The following CSNK1G3 variants were observed in gnomAD, a reference collection of about 807,000 sequenced individuals.
The protein encoded by CSNK1G3 is casein kinase 1 gamma 3, also known as casein kinase I isoform gamma-3.
Under a neutral mutation model 64.3 loss-of-function variants are expected in CSNK1G3, and 23 were observed. The ratio of observed to expected loss-of-function variants is 0.36; its 90% CI spans 0.26 to 0.51. The LOEUF is 0.51. Ranked by LOEUF, CSNK1G3 falls within the 20% of genes least tolerant of loss-of-function variation. The probability of loss-of-function intolerance (pLI) is 0.96; values close to 1 mark genes in which losing one functional copy is unlikely to be tolerated. For missense variants in CSNK1G3, 357 were observed against 510.5 expected (o/e 0.70, Z 2.90); for synonymous variants, 158 against 162.2 (o/e 0.97, Z 0.20).
intron 4 of CSNK1G3, among the ~76,000 whole-genome samples, chr5:123,561,215 T>C (rs1785644510): frequency 6.6e-6 from 1 of 152,154 alleles, no homozygotes; most frequent in Admixed American, 6.6e-5. Context: ...ATAGCAAAAA[T>C]TTAATGTATT....
intron 4 of CSNK1G3, among the ~76,000 whole-genome samples, chr5:123,557,798 TATAAAA>T (rs1167549028): frequency 6.6e-6 from 1 of 152,138 alleles, no homozygotes; most frequent in Non-Finnish European, 1.5e-5. Flanking sequence ...AATTTGCAAA[TATAAAA>T]TGCATACTTC....
chr5:123,605,523 G>A (rs1795214328), intron 12 of CSNK1G3, among the ~76,000 whole-genome samples, 161 bp downstream of exon 13: 1 of 152,044 alleles, frequency 6.6e-6, no homozygotes, highest in African/African-American at 2.4e-5. Flanking sequence ...GCTCTGAAAA[G>A]CAAGAAATAA....
chr5:123,564,313 A>G (rs746456510), intron 4 of CSNK1G3, among the ~76,000 whole-genome samples: 4 of 152,028 alleles, frequency 2.6e-5, no homozygotes, highest in East Asian at 1.9e-4. Flanking sequence ...AGTATTTTCA[A>G]TGATTAATTA....
intron 1 of CSNK1G3, among the ~76,000 whole-genome samples, chr5:123,543,841 G>T (rs1325132290): frequency 6.6e-6 from 1 of 152,126 alleles, no homozygotes; most frequent in Non-Finnish European, 1.5e-5. Context: ...GAGTAAACAG[G>T]AACTCAGTTT....
At chr5:123,577,964 T>C (rs1789507037) in intron 6 of CSNK1G3, among the ~76,000 whole-genome samples, 1 of 151,982 alleles carries the variant, frequency 6.6e-6, no homozygotes, top group Admixed American at 6.6e-5. Context: ...TTAATATAAA[T>C]AGAACCATCC....
At chr5:123,576,598 C>G (rs934162425) in intron 6 of CSNK1G3, among the ~76,000 whole-genome samples, 1 of 152,184 alleles carries the variant, frequency 6.6e-6, no homozygotes, top group South Asian at 2.1e-4. Context: ...CTCAGTCGTT[C>G]GTTATGGCTC....
chr5:123,606,528 C>A (rs915702743), intron 12 of CSNK1G3, among the ~76,000 whole-genome samples: 10 of 152,046 alleles, frequency 6.6e-5, no homozygotes, highest in Non-Finnish European at 1.3e-4. Flanking sequence ...GCTAATAATA[C>A]CTACTTCATA....
intron 1 of CSNK1G3, among the ~76,000 whole-genome samples, chr5:123,514,914 A>G (rs913902140): frequency 1.3e-5 from 2 of 152,160 alleles, no homozygotes; most frequent in African/African-American, 4.8e-5. Context: ...TGAAGGTCCA[A>G]ATGTACAGAT....
intron 10 of CSNK1G3, among the ~76,000 whole-genome samples, chr5:123,593,218 C>T (rs1792759056): frequency 6.6e-6 from 1 of 151,490 alleles, no homozygotes; most frequent in Non-Finnish European, 1.5e-5. Context: ...CACACACACA[C>T]ACACACACAC....
intron 4 of CSNK1G3, among the ~76,000 whole-genome samples, chr5:123,568,564 G>A (rs184889262): frequency 1.3e-5 from 2 of 152,132 alleles, no homozygotes; most frequent in African/African-American, 4.8e-5. Context: ...AATGCTGAAC[G>A]ACCATAGAAA....
chr5:123,604,608 T>TA, intron 10 of CSNK1G3, 116 bp from the exon 12 acceptor site: 1 of 530,286 alleles, frequency 1.9e-6, no homozygotes, highest in South Asian at 3.3e-5. Context: ...ATTAACTTTC[T>TA]AATTGAAATA....
intron 4 of CSNK1G3, among the ~76,000 whole-genome samples, chr5:123,573,092 A>G (rs1213000037): frequency 6.6e-6 from 1 of 152,216 alleles, no homozygotes; most frequent in Non-Finnish European, 1.5e-5. Context: ...CCATGGAAAT[A>G]TAAAGCTAAA....
At chr5:123,552,321 T>A (rs755499696) in intron 2 of CSNK1G3, among the ~76,000 whole-genome samples, 2 of 152,106 alleles carry the variant, frequency 1.3e-5, no homozygotes, top group Non-Finnish European at 2.9e-5. Context: ...AATTTTTGTA[T>A]TTTTAGTAGA....
chr5:123,551,153 ATGTT>A (rs1783569433), intron 2 of CSNK1G3, among the ~76,000 whole-genome samples: 1 of 152,220 alleles, frequency 6.6e-6, no homozygotes, highest in African/African-American at 2.4e-5. Context: ...AGATGATAAT[ATGTT>A]TGGGAAATAA....
chr5:123,614,369 A>C, exon 13 of CSNK1G3: 1 of 1,613,382 alleles, frequency 6.2e-7, no homozygotes, highest in Non-Finnish European at 8.5e-7. Flanking sequence ...AACGAAGGAA[A>C]AGGAAAACCA....
At chr5:123,565,078 C>A (rs1387483519) in intron 4 of CSNK1G3, among the ~76,000 whole-genome samples, 1 of 152,010 alleles carries the variant, frequency 6.6e-6, no homozygotes, top group Non-Finnish European at 1.5e-5. Flanking sequence ...ATTTTAAAAT[C>A]AAGGCAATTT....
chr5:123,558,565 T>A (rs1426241336), intron 4 of CSNK1G3, among the ~76,000 whole-genome samples: 1 of 152,208 alleles, frequency 6.6e-6, no homozygotes, highest in East Asian at 1.9e-4. Context: ...CATTTCATAC[T>A]GATATCAGTT....
chr5:123,586,071 A>G (rs1409178962), intron 6 of CSNK1G3, among the ~76,000 whole-genome samples: 3 of 152,226 alleles, frequency 2.0e-5, no homozygotes, highest in African/African-American at 4.8e-5. Flanking sequence ...GAATAAACAC[A>G]TTGTAATATA....
At chr5:123,578,262 C>CT (rs1249165255) in intron 6 of CSNK1G3, among the ~76,000 whole-genome samples, 6 of 151,768 alleles carry the variant, frequency 4.0e-5, no homozygotes, top group Non-Finnish European at 8.9e-5. Context: ...GTGTTCATAC[C>CT]TTTTTTTATT....
Sources: gnomAD v4.1 joint callset for allele counts (sites outside exome capture counted in the v4.1 genomes callset) on GRCh38, gnomAD v4.1.1 for gene constraint, MANE v1.5 for transcripts, NCBI Gene and HGNC (gene_info 2026-07-23, HGNC 2026-07-21) for gene names.